The following CNGB3 variants were observed in gnomAD, a reference collection of about 807,000 sequenced individuals.
CNGB3 encodes the protein cyclic nucleotide-gated channel beta-3.
A neutral mutation model predicts 92.8 loss-of-function variants in CNGB3; 86 were observed. The ratio of observed to expected loss-of-function variants is 0.93; its 90% CI spans 0.78 to 1.11. The LOEUF (loss-of-function observed/expected upper bound fraction) is 1.11, where lower values mean the gene tolerates loss of function less well. Among genes scored for constraint, CNGB3 ranks in the 50% least tolerant of loss-of-function variants. CNGB3 has a pLI of 0.00. For synonymous variants in CNGB3, 333 were observed against 332.7 expected (o/e 1.00, Z -0.01); for missense variants, 1,026 against 956.8 (o/e 1.07, Z -0.95).
At chr8:86,659,828 T>C in intron 6 of CNGB3, 1 of 405,038 alleles carries the variant, frequency 2.5e-6, no homozygotes, top group South Asian at 2.0e-5. Flanking sequence ...GATCCAGAAT[T>C]TCTTGGTTTT....
At chr8:86,720,526 A>C (rs1824946289) in intron 3 of CNGB3, among the ~76,000 whole-genome samples, 1 of 152,124 alleles carries the variant, frequency 6.6e-6, no homozygotes, top group Non-Finnish European at 1.5e-5. Context: ...TGTGGTTAAA[A>C]AGGAACACTT....
rs113891155 is a variant in CNGB3 at position 86,690,867 on chromosome 8, G to T, written c.339-19769C>A. On this transcript the variant is annotated intron_variant, in intron 3 of 17. Transcript: ENST00000320005. ...CAGGTTTGTCAAAGATCAGGTAGTT[G>T]TAGATGTGTGGTGTTATTTCTGAGG... Among the ~76,000 whole-genome samples the T allele has an allele frequency of 6.3e-3, 964 of 152,260 alleles. 13 individuals are homozygous for T. The highest frequency in any genetic ancestry group is 0.022 in the African/African-American group (900 of 41,552).
Position 86,604,182 on chromosome 8 carries a change from G to T in CNGB3, c.1692C>A (p.Ile564=), listed in dbSNP as rs1563723767. The T allele has an allele frequency of 6.2e-7, 1 of 1,612,924 alleles. No individual in the cohort carries two copies. Among genetic ancestry groups the T allele is most frequent in the Middle Eastern group, 1.7e-4 (1 of 6,058 alleles). The stretch of plus-strand genomic sequence containing the variant: ...CAAGAACTTGGACTTCTCCATGCTT[G>T]ATGATATACATTTCCTTGCCAATTT... ...KGEIGKEMYI[I]KHGEVQVLGG... The change falls in exon 15 of 18, where the codon ATC becomes ATA. Residue 564 remains isoleucine (I), a synonymous_variant. Transcript: ENST00000320005.
intron 11 of CNGB3, among the ~76,000 whole-genome samples, chr8:86,629,615 T>C (rs956544853): frequency 2.0e-5 from 3 of 152,162 alleles, no homozygotes; most frequent in African/African-American, 7.2e-5. Context: ...CATCATGAAA[T>C]TGCAACCTCT....
chr8:86,638,568 G>A (rs1357790911), intron 10 of CNGB3, among the ~76,000 whole-genome samples: 1 of 152,064 alleles, frequency 6.6e-6, no homozygotes, highest in Non-Finnish European at 1.5e-5. Context: ...GGAAGCAATG[G>A]CTATGAGGGA....
chr8:86,574,811 T>C lies in CNGB3; in HGVS notation c.*993A>G, dbSNP rs1342621223. Reference sequence around the variant, plus strand: ...TAGCTAATTCATGAGGACAACTTCCTAAAGTGCCCTTAATTAACTTGGAGA... The same window carrying C: ...TAGCTAATTCATGAGGACAACTTCCCAAAGTGCCCTTAATTAACTTGGAGA... On this transcript the variant is annotated 3_prime_UTR_variant, in exon 18 of 18. Coordinates refer to ENST00000320005, the MANE Select transcript of CNGB3 (RefSeq NM_019098.5). 6.6e-6 allele frequency: 1 copy of C among 152,236 alleles called. No individual in the cohort carries two copies. The highest frequency in any genetic ancestry group is 1.5e-5 in the Non-Finnish European group (1 of 68,042). 9.4% of individuals were successfully genotyped at this position (152,236 alleles called of 1,614,324 possible).
intron 2 of CNGB3, among the ~76,000 whole-genome samples, chr8:86,733,820 T>C (rs1203714208): frequency 6.6e-6 from 1 of 152,206 alleles, no homozygotes; most frequent in East Asian, 1.9e-4. Context: ...GTTTCCTATT[T>C]AAACATCCAC....
intron 8 of CNGB3, among the ~76,000 whole-genome samples, 177 bp from the exon 9 acceptor site, chr8:86,644,863 T>G (rs1189020952): frequency 3.3e-5 from 5 of 151,214 alleles, no homozygotes. Flanking sequence ...TATAGCATGG[T>G]ATTATACTTC....
intron 4 of CNGB3, 132 bp downstream of exon 4, chr8:86,670,812 A>G: frequency 4.1e-6 from 4 of 976,156 alleles, no homozygotes; most frequent in Non-Finnish European, 4.9e-6. Context: ...TTCCTGGATT[A>G]CTCTCAAAAT....
At chr8:86,640,873 G>A (rs529505466) in intron 10 of CNGB3, among the ~76,000 whole-genome samples, 1 of 152,096 alleles carries the variant, frequency 6.6e-6, no homozygotes, top group East Asian at 1.9e-4. Context: ...TGTCAGAGGT[G>A]TTTGAACCAG....
intron 10 of CNGB3, among the ~76,000 whole-genome samples, chr8:86,643,468 A>C (rs1355223649): frequency 6.7e-6 from 1 of 150,262 alleles, no homozygotes; most frequent in Non-Finnish European, 1.5e-5. Context: ...TTATCTTTCC[A>C]CTCTCTGTCT....
chr8:86,668,806 G>A (rs143371253), intron 4 of CNGB3, among the ~76,000 whole-genome samples: 1 of 152,260 alleles, frequency 6.6e-6, no homozygotes, highest in East Asian at 1.9e-4. Flanking sequence ...TCTCTAGTGA[G>A]GGAAATGTCC....
intron 3 of CNGB3, among the ~76,000 whole-genome samples, chr8:86,677,501 C>G (rs952794948): frequency 5.9e-5 from 9 of 152,194 alleles, no homozygotes; most frequent in African/African-American, 2.2e-4. Flanking sequence ...TTGAAATCAC[C>G]TGTCTAGAGG....
At chr8:86,694,057 CGGCTGGCCGGGCGGGGGGGCTG>C (rs1563757066) in intron 3 of CNGB3, among the ~76,000 whole-genome samples, 44 of 97,470 alleles carry the variant, frequency 4.5e-4, no homozygotes, top group African/African-American at 1.6e-3. Flanking sequence ...CCGGACGGGG[CGGCTGGCCGGGCGGGGGGGCTG>C]ACCCCCCCAC....
intron 6 of CNGB3, chr8:86,659,304 T>A: frequency 9.0e-7 from 1 of 1,111,208 alleles, no homozygotes. Flanking sequence ...CAGGTGTGCT[T>A]CCAGCTGTGC....
At chr8:86,636,695 C>T (rs936423401) in intron 10 of CNGB3, among the ~76,000 whole-genome samples, 1 of 148,778 alleles carries the variant, frequency 6.7e-6, no homozygotes, top group Non-Finnish European at 1.5e-5. Context: ...CTAGGACTTA[C>T]TCATTTTGCA....
chr8:86,625,906 A>G (rs1822836798), intron 13 of CNGB3, 77 bp downstream of exon 13: 1 of 1,224,098 alleles, frequency 8.2e-7, no homozygotes, highest in South Asian at 1.3e-5. Flanking sequence ...AAAAAAACTC[A>G]TAAATGCTGT....
In CNGB3 at chr8:86,575,927, T is replaced by C. The variant is rs2131529311; in HGVS notation, c.2307A>G (p.Ser769=). 1.2e-6 allele frequency: 2 copies of C among 1,614,012 alleles called. No homozygotes were observed. Among genetic ancestry groups the C allele is most frequent in the East Asian group, 2.2e-5 (1 of 44,880 alleles). The change falls in exon 18 of 18, where the codon TCA becomes TCG. Residue 769 remains serine (S), a synonymous_variant. Transcript: ENST00000320005. ...CTCTGGGTAAAACTGTCCTTCTAAC[T>C]GAGTGGGGTTCTTCCTCCACTGCAA... The part of the protein sequence containing the change: ...SPIAVEEEPH[S]VRRTVLPRGT...
intron 15 of CNGB3, among the ~76,000 whole-genome samples, chr8:86,598,806 C>A (rs567699841): frequency 1.4e-4 from 21 of 152,138 alleles, no homozygotes; most frequent in African/African-American, 4.6e-4. Flanking sequence ...GACTTGGGGC[C>A]CTTCAAGATA....
Sources: allele counts gnomAD v4.1 joint callset (sites outside exome capture counted in the v4.1 genomes callset), GRCh38; gene constraint gnomAD v4.1.1; transcripts MANE v1.5; gene names NCBI Gene and HGNC (gene_info 2026-07-23, HGNC 2026-07-21).